Variants in KCNK9 observed in about 807,000 individuals in gnomAD.
The protein encoded by KCNK9 is potassium channel subfamily K member 9.
KCNK9 carries 1 observed loss-of-function variant against 10.8 expected under a neutral mutation model. That is an observed-to-expected ratio of 0.09 (90% confidence interval 0.03 to 0.44). The LOEUF (loss-of-function observed/expected upper bound fraction) is 0.44, where lower values mean the gene tolerates loss of function less well. KCNK9 is among the 20% of genes least tolerant of loss of function. The pLI is 0.97. For missense variants in KCNK9, 303 were observed against 515.0 expected, an observed-to-expected ratio of 0.59 and a Z score of 3.98; for synonymous variants, 231 against 222.7, an observed-to-expected ratio of 1.04 and a Z score of -0.33.
intron 1 of KCNK9, among the ~76,000 whole-genome samples, chr8:139,679,700 C>T (rs561698353): frequency 3.4e-4 from 52 of 152,304 alleles, no homozygotes; most frequent in Non-Finnish European, 5.6e-4. Context: ...AGGATTCAAA[C>T]CCAGGTCTTT....
At chr8:139,650,430 G>A (rs565061041) in intron 1 of KCNK9, among the ~76,000 whole-genome samples, 11 of 150,148 alleles carry the variant, frequency 7.3e-5, no homozygotes, top group East Asian at 3.9e-4. Flanking sequence ...CAAAGAACCC[G>A]AGGGTGGGCG....
At position 139,638,044 on chromosome 8, in the gene KCNK9, G is replaced by A. The variant is rs1225164175; in HGVS notation, c.284-18945C>T. On this transcript the variant is annotated intron_variant, in intron 1 of 1. Transcript: ENST00000520439. ...TCACTGCTGTGACCTCCATGGGTTT[G>A]TGTCCTCATCTGTGGAATAAGAGAA... Among the ~76,000 whole-genome samples the A allele has an allele frequency of 2.0e-5, 3 of 152,092 alleles. 1 individual carries two copies. Among genetic ancestry groups the A allele is most frequent in the Middle Eastern group, 6.8e-3 (2 of 294 alleles).
intron 1 of KCNK9, among the ~76,000 whole-genome samples, chr8:139,662,882 G>C (rs554991676): frequency 1.3e-4 from 20 of 150,444 alleles, no homozygotes; most frequent in East Asian, 5.9e-4. Flanking sequence ...AAGGGGGGGG[G>C]GCTGGAGGAC....
chr8:139,662,918 C>T (rs1395908125), intron 1 of KCNK9, among the ~76,000 whole-genome samples: 2 of 151,642 alleles, frequency 1.3e-5, no homozygotes, highest in Middle Eastern at 3.4e-3. Flanking sequence ...AGCTTCCTGA[C>T]GCTGCAGAGG....
intron 1 of KCNK9, among the ~76,000 whole-genome samples, chr8:139,673,200 G>A (rs919939715): frequency 6.6e-6 from 1 of 152,100 alleles, no homozygotes; most frequent in Non-Finnish European, 1.5e-5. Flanking sequence ...AGGCCTGGGG[G>A]GAATGGAGGG....
chr8:139,675,282 C>G (rs529059671), intron 1 of KCNK9, among the ~76,000 whole-genome samples: 2 of 152,350 alleles, frequency 1.3e-5, no homozygotes, highest in East Asian at 3.9e-4. Context: ...ACCCTTCCAC[C>G]TGCCCCACTG....
At chr8:139,642,563 T>C (rs1815535386) in intron 1 of KCNK9, among the ~76,000 whole-genome samples, 1 of 152,156 alleles carries the variant, frequency 6.6e-6, no homozygotes, top group Non-Finnish European at 1.5e-5. Context: ...CGAGTCAAAA[T>C]AGGACGCACT....
intron 1 of KCNK9, among the ~76,000 whole-genome samples, chr8:139,649,136 C>G (rs1434950632): frequency 6.6e-6 from 1 of 152,204 alleles, no homozygotes; most frequent in African/African-American, 2.4e-5. Flanking sequence ...ATCTCAGGAA[C>G]TTCAACTACA....
At chr8:139,634,945 C>T (rs1351684764) in intron 1 of KCNK9, among the ~76,000 whole-genome samples, 2 of 152,110 alleles carry the variant, frequency 1.3e-5, no homozygotes, top group Non-Finnish European at 2.9e-5. Flanking sequence ...CGGGGGCAGC[C>T]ACCTCCACAG....
rs939441634 is a variant in KCNK9, at chr8:139,693,826, C to A, written c.283+8884G>T. ...GGAGCTGCTGGGGTCTGGGGCAGGG[C>A]GAAGATGGCAGCCATGGGCTTTTAA... On this transcript the variant is annotated intron_variant, in intron 1 of 1. Transcript: ENST00000520439. The surrounding 1 kb of genome is among the most constrained non-coding windows in gnomAD (Gnocchi z 4.1). Among the ~76,000 whole-genome samples, 5 of 152,000 alleles carry A rather than the reference C, an allele frequency of 3.3e-5. No individual in the cohort carries two copies. The highest frequency in any genetic ancestry group is 1.9e-4 in the East Asian group (1 of 5,180).
At chr8:139,681,761 G>C (rs1428760460) in intron 1 of KCNK9, among the ~76,000 whole-genome samples, 1 of 152,216 alleles carries the variant, frequency 6.6e-6, no homozygotes, top group Non-Finnish European at 1.5e-5. Context: ...TGGGGCTCCA[G>C]GCAACCTATA....
chr8:139,682,460 T>A (rs1816711576), intron 1 of KCNK9, among the ~76,000 whole-genome samples: 1 of 152,064 alleles, frequency 6.6e-6, no homozygotes, highest in African/African-American at 2.4e-5. Flanking sequence ...CAGGGACACA[T>A]AGGAGAGACA....
intron 1 of KCNK9, among the ~76,000 whole-genome samples, chr8:139,629,900 A>G (rs1395916954): frequency 4.6e-5 from 7 of 152,196 alleles, no homozygotes; most frequent in African/African-American, 1.7e-4. Context: ...ATTGGAAGTT[A>G]GGGCTTCAAT....
At chr8:139,647,156 G>A (rs1046016475) in intron 1 of KCNK9, among the ~76,000 whole-genome samples, 10 of 152,244 alleles carry the variant, frequency 6.6e-5, no homozygotes, top group Non-Finnish European at 1.2e-4. Flanking sequence ...GGCTTTTAGG[G>A]GAGCACTCCA....
At chr8:139,601,680 C>T (rs1237596912) in intron 2 of KCNK9, 1 of 152,162 alleles carries the variant, frequency 6.6e-6, no homozygotes, top group East Asian at 1.9e-4. Context: ...TGAAATATTG[C>T]TTAAAAGTCC....
chr8:139,677,992 A>ACGGGTCCC (rs1171308500), intron 1 of KCNK9, among the ~76,000 whole-genome samples: 2 of 147,530 alleles, frequency 1.4e-5, no homozygotes, highest in African/African-American at 5.4e-5. Flanking sequence ...TCCCAGCCCA[A>ACGGGTCCC]CAGGTCCCCA....
At chr8:139,631,438 T>C (rs540961682) in intron 1 of KCNK9, among the ~76,000 whole-genome samples, 17 of 152,292 alleles carry the variant, frequency 1.1e-4, no homozygotes, top group Admixed American at 2.0e-4. Context: ...GCACGTTGCC[T>C]TTGTAAGCCC....
intron 1 of KCNK9, among the ~76,000 whole-genome samples, chr8:139,677,831 TGCAGA>T (rs1816593514): frequency 2.1e-5 from 1 of 46,952 alleles, no homozygotes; most frequent in Non-Finnish European, 6.3e-5. Context: ...TCCCCACAGC[TGCAGA>T]GTAGTACCTC....
chr8:139,668,498 T>C (rs1275114369), intron 1 of KCNK9, among the ~76,000 whole-genome samples: 4 of 151,458 alleles, frequency 2.6e-5, no homozygotes, highest in Non-Finnish European at 5.9e-5. Flanking sequence ...CTTGGCTCAC[T>C]GCAACCTCTG....
Sources: allele counts gnomAD v4.1 joint callset (sites outside exome capture counted in the v4.1 genomes callset), GRCh38; gene constraint gnomAD v4.1.1; non-coding constraint Gnocchi (gnomAD v3.1); transcripts MANE v1.5; gene names NCBI Gene and HGNC (gene_info 2026-07-23, HGNC 2026-07-21).